GRIK2: variants seen among roughly 807,000 people sequenced by gnomAD.
GRIK2 encodes glutamate ionotropic receptor kainate type subunit 2.
GRIK2 carries 32 observed loss-of-function variants against 100.3 expected under a neutral mutation model. The observed-to-expected ratio is 0.32, with a 90% CI of 0.24 to 0.43. The LOEUF (loss-of-function observed/expected upper bound fraction) is 0.43, where lower values mean the gene tolerates loss of function less well. Ranked by LOEUF, GRIK2 falls within the 20% of genes least tolerant of loss-of-function variation. The pLI is 1.00. For missense variants in GRIK2, 843 were observed against 1,114.9 expected (o/e 0.76, Z 3.47); for synonymous variants, 417 against 389.4 (o/e 1.07, Z -0.83).
At chr6:101,469,346 C>G (rs1771828890) in intron 2 of GRIK2, among the ~76,000 whole-genome samples, 1 of 152,130 alleles carries the variant, frequency 6.6e-6, no homozygotes, top group Non-Finnish European at 1.5e-5. Flanking sequence ...CTCCTTAATA[C>G]AAGACCCATG....
At chr6:101,868,413 T>C (rs1785186635) in intron 11 of GRIK2, among the ~76,000 whole-genome samples, 1 of 151,782 alleles carries the variant, frequency 6.6e-6, no homozygotes, top group African/African-American at 2.4e-5. Flanking sequence ...GTATGTAATT[T>C]AAATAGTAAA....
intron 2 of GRIK2, among the ~76,000 whole-genome samples, chr6:101,460,077 C>T (rs1562153565): frequency 6.6e-6 from 1 of 152,138 alleles, no homozygotes. Context: ...TGCTCTTATC[C>T]ACAACTTCCA....
chr6:102,063,065 T>C (rs928760408), intron 16 of GRIK2, among the ~76,000 whole-genome samples: 2 of 150,576 alleles, frequency 1.3e-5, no homozygotes, highest in African/African-American at 4.8e-5. Flanking sequence ...TATCCATAAT[T>C]AGTTAACAAA....
intron 11 of GRIK2, among the ~76,000 whole-genome samples, chr6:101,870,832 T>C (rs528976344): frequency 6.6e-6 from 1 of 151,956 alleles, no homozygotes; most frequent in East Asian, 1.9e-4. Context: ...ATTTAAAACA[T>C]AGACTCATAA....
chr6:101,992,127 A>G (rs1794409177), intron 14 of GRIK2, among the ~76,000 whole-genome samples: 1 of 151,480 alleles, frequency 6.6e-6, no homozygotes, highest in South Asian at 2.1e-4. Flanking sequence ...AATATTGTTA[A>G]TATTTATGTT....
intron 15 of GRIK2, among the ~76,000 whole-genome samples, chr6:102,051,289 C>A (rs1003963071): frequency 6.6e-6 from 1 of 150,592 alleles, no homozygotes; most frequent in East Asian, 2.0e-4. Flanking sequence ...TCCTTCCTTC[C>A]TTCCTTCCTT....
chr6:102,025,717 T>C (rs988423586), intron 14 of GRIK2, among the ~76,000 whole-genome samples: 3 of 151,314 alleles, frequency 2.0e-5, no homozygotes, highest in Non-Finnish European at 3.0e-5. Context: ...TGTAATGCAT[T>C]ATAAGACTTT....
intron 2 of GRIK2, among the ~76,000 whole-genome samples, chr6:101,452,319 A>G (rs1441340605): frequency 6.6e-6 from 1 of 151,826 alleles, no homozygotes; most frequent in Non-Finnish European, 1.5e-5. Flanking sequence ...AGAATAACTT[A>G]CCCAGTGGTT....
intron 5 of GRIK2, among the ~76,000 whole-genome samples, chr6:101,677,207 G>C (rs1256117166): frequency 6.6e-6 from 1 of 152,070 alleles, no homozygotes; most frequent in Non-Finnish European, 1.5e-5. Flanking sequence ...TTTACTGTAA[G>C]AGACTTTATA....
chr6:101,534,137 A>ATT (rs35783548), intron 2 of GRIK2, among the ~76,000 whole-genome samples: 16 of 150,180 alleles, frequency 1.1e-4, no homozygotes, highest in Admixed American at 2.7e-4. Flanking sequence ...ACATAGTTTT[A>ATT]TTTTTTTTTT....
chr6:101,609,585 AATATG>A (rs572957649), intron 2 of GRIK2, among the ~76,000 whole-genome samples: 47 of 151,942 alleles, frequency 3.1e-4, no homozygotes, highest in African/African-American at 1.1e-3. Flanking sequence ...ACAACATTTT[AATATG>A]ATGTTGATAC....
At chr6:101,433,065 A>G (rs1769502871) in intron 2 of GRIK2, among the ~76,000 whole-genome samples, 1 of 152,192 alleles carries the variant, frequency 6.6e-6, no homozygotes, top group Admixed American at 6.5e-5. Flanking sequence ...TTGGCCTCTC[A>G]TGGCACCTCA....
intron 11 of GRIK2, among the ~76,000 whole-genome samples, chr6:101,865,582 C>T (rs1156496401): frequency 1.3e-5 from 2 of 152,104 alleles, no homozygotes; most frequent in Non-Finnish European, 2.9e-5. Flanking sequence ...AACTCTAGTA[C>T]TTCTTGTGAA....
At chr6:101,753,648 A>G (rs1010346670) in intron 7 of GRIK2, among the ~76,000 whole-genome samples, 5 of 151,964 alleles carry the variant, frequency 3.3e-5, no homozygotes, top group African/African-American at 4.8e-5. Flanking sequence ...TAGGTTTTAT[A>G]TTAATATTAA....
rs182170408 is a variant in GRIK2, at chr6:101,737,883, G to A, written c.951+51530G>A. Among the ~76,000 whole-genome samples the A allele has an allele frequency of 3.3e-3, 508 of 152,190 alleles. 4 individuals are homozygous for A. Among genetic ancestry groups the A allele is most frequent in the African/African-American group, 0.01 (433 of 41,544 alleles). ...AAAGGTTGAACAAAAATCAATTCAT[G>A]TCAGAATTGATTAAAATCAGGAAAC... On this transcript the variant is annotated intron_variant, in intron 7 of 16. Coordinates refer to ENST00000369134, the MANE Select transcript of GRIK2 (RefSeq NM_021956.5).
At chr6:101,813,515 T>C (rs1781461339) in intron 9 of GRIK2, among the ~76,000 whole-genome samples, 1 of 152,228 alleles carries the variant, frequency 6.6e-6, no homozygotes, top group South Asian at 2.1e-4. Context: ...CTAGATATCC[T>C]AGTAAACATC....
intron 12 of GRIK2, among the ~76,000 whole-genome samples, chr6:101,899,847 T>G (rs1284562482): frequency 6.6e-6 from 1 of 152,128 alleles, no homozygotes. Context: ...ATAATAAAAT[T>G]AGGTAAGTGT....
intron 11 of GRIK2, 22 bp from the exon 12 acceptor site, chr6:101,889,618 T>TTTTTG: frequency 9.4e-7 from 1 of 1,058,976 alleles, no homozygotes; most frequent in Non-Finnish European, 1.3e-6. Context: ...TTTTTTTTTT[T>TTTTTG]TTTGTTTGTT....
chr6:101,881,449 TGACA>T (rs1238200387), intron 11 of GRIK2, among the ~76,000 whole-genome samples: 5 of 151,760 alleles, frequency 3.3e-5, no homozygotes, highest in African/African-American at 7.3e-5. Flanking sequence ...ACAATAAAAA[TGACA>T]GACATAGTAA....
Sources: allele counts gnomAD v4.1 joint callset (sites outside exome capture counted in the v4.1 genomes callset), GRCh38; gene constraint gnomAD v4.1.1; transcripts MANE v1.5; gene names NCBI Gene and HGNC (gene_info 2026-07-23, HGNC 2026-07-21).